Variants in DNAH7 observed in about 807,000 individuals in gnomAD.
DNAH7 encodes dynein axonemal heavy chain 7.
A neutral mutation model predicts 444.6 loss-of-function variants in DNAH7; 397 were observed. The observed-to-expected ratio is 0.89, with a 90% CI of 0.82 to 0.97. The LOEUF (loss-of-function observed/expected upper bound fraction) is 0.97. Among genes scored for constraint, DNAH7 ranks in the 50% least tolerant of loss-of-function variants. The probability of loss-of-function intolerance (pLI) is 0.00; values close to 1 mark genes in which losing one functional copy is unlikely to be tolerated. For synonymous variants in DNAH7, 1,636 were observed against 1,624.4 expected (o/e 1.01, Z -0.17); for missense variants, 4,902 against 4,800.8 (o/e 1.02, Z -0.62).
rs1219781115 is a variant in DNAH7, at chr2:195,816,693, G to C, written c.9696C>G (p.Thr3232=). The change falls in exon 51 of 65, where the codon ACC becomes ACG. Residue 3232 remains threonine, a synonymous_variant. Coordinates refer to ENST00000312428, the MANE Select transcript of DNAH7 (RefSeq NM_018897.3). ...ACAGGATGAAAAGGTTAATAAACCA[G>C]GTCAGTGAATACTGGTACATGGGCT... The part of the protein sequence containing the change: ...NIEPMYQYSL[T]WFINLFILSI... The C allele has an allele frequency of 3.7e-6, 6 of 1,614,090 alleles. No individual in the cohort carries two copies. The highest frequency in any genetic ancestry group is 4.2e-6 in the Non-Finnish European group (5 of 1,179,990).
At chr2:195,852,911 C>CAGAG (rs1490757777) in intron 46 of DNAH7, among the ~76,000 whole-genome samples, 2 of 125,932 alleles carry the variant, frequency 1.6e-5, no homozygotes, top group African/African-American at 6.7e-5. Flanking sequence ...CACACACACA[C>CAGAG]ACACAGAGAG....
intron 61 of DNAH7, among the ~76,000 whole-genome samples, chr2:195,760,242 G>A (rs555675692): frequency 6.6e-6 from 1 of 152,298 alleles, no homozygotes; most frequent in Admixed American, 6.5e-5. Context: ...TTGGGTGCCA[G>A]CTCAGCAGCA....
At chr2:196,055,210 G>T (rs888871581) in intron 2 of DNAH7, among the ~76,000 whole-genome samples, 4 of 151,996 alleles carry the variant, frequency 2.6e-5, no homozygotes, top group Non-Finnish European at 5.9e-5. Context: ...ACAAAAATTA[G>T]CTAGGCGTGG....
chr2:196,023,536 T>C (rs1695504900), intron 8 of DNAH7, among the ~76,000 whole-genome samples: 1 of 152,224 alleles, frequency 6.6e-6, no homozygotes, highest in South Asian at 2.1e-4. Flanking sequence ...GCAGCTTCCT[T>C]ACCTTTCTCA....
intron 19 of DNAH7, among the ~76,000 whole-genome samples, chr2:195,954,544 G>A (rs980854019): frequency 2.6e-5 from 4 of 152,332 alleles, no homozygotes; most frequent in African/African-American, 9.6e-5. Flanking sequence ...TATATACCCA[G>A]TAATGGGATG....
Position 195,991,491 on chromosome 2 carries a change from A to G in DNAH7, c.1354-3262T>C, listed in dbSNP as rs539533668. Among the ~76,000 whole-genome samples, 6 of 152,358 alleles carry G rather than the reference A, an allele frequency of 3.9e-5. No homozygotes were observed. The South Asian group carries it at 1.2e-3, about 32-fold the overall frequency. On this transcript the variant is annotated intron_variant, in intron 12 of 64. Coordinates refer to ENST00000312428, the MANE Select transcript of DNAH7 (RefSeq NM_018897.3). ...CAACAAAAATAAAACAAAACAAAATAACACTTTTAAAAAATTACAAAACAG... is the reference window on the plus strand; with the variant it reads ...CAACAAAAATAAAACAAAACAAAATGACACTTTTAAAAAATTACAAAACAG...
chr2:195,897,664 T>C lies in DNAH7; in HGVS notation c.4647+3A>G. 1 of 1,544,618 alleles carries C rather than the reference T, an allele frequency of 6.5e-7. No homozygotes were observed. Among genetic ancestry groups the C allele is most frequent in the Non-Finnish European group, 8.9e-7 (1 of 1,124,536 alleles). The stretch of plus-strand genomic sequence containing the variant: ...GATGCATTGGGATAATGAATGTTCT[T>C]ACCTCAAAGAGTGGTAAATCATGGG... On this transcript the variant is annotated splice_donor_region_variant and intron_variant, in intron 29 of 64. Coordinates refer to ENST00000312428, the MANE Select transcript of DNAH7 (RefSeq NM_018897.3).
At chr2:195,923,909 G>C in intron 22 of DNAH7, 102 bp from the exon 23 acceptor site, 1 of 1,043,014 alleles carries the variant, frequency 9.6e-7, no homozygotes, top group South Asian at 1.6e-5. Flanking sequence ...TCTGCATTTT[G>C]ATTACAACTT....
intron 17 of DNAH7, among the ~76,000 whole-genome samples, chr2:195,964,053 G>C (rs2125543297): frequency 6.6e-6 from 1 of 152,238 alleles, no homozygotes; most frequent in African/African-American, 2.4e-5. Flanking sequence ...GATTCCACCA[G>C]TTTTGTTCTT....
In DNAH7 at chr2:196,048,344, C is replaced by G. The variant is rs759107363; in HGVS notation, c.202G>C (p.Asp68His). 3.7e-6 allele frequency: 6 copies of G among 1,613,876 alleles called. No individual in the cohort carries two copies. In the African/African-American group the frequency reaches 5.3e-5, roughly 14 times the overall value. ...APSFHLSVKQ[D>H]DESPEPFSVK... ...CTAAATGGTTCTGGACTCTCATCAT[C>G]CTGCTTTACACTCAAATGGAATGAT... The change falls in exon 4 of 65, where the codon GAT (aspartate) becomes CAT (histidine). Residue 68 changes from aspartate (D) to histidine (H), a missense_variant. Transcript: ENST00000312428.
In DNAH7 at chr2:196,048,398, T is replaced by C. The variant is rs1559368862; in HGVS notation, c.148A>G (p.Thr50Ala). 6.2e-7 allele frequency: 1 copy of C among 1,613,006 alleles called. No homozygotes were observed. Among genetic ancestry groups the C allele is most frequent in the Non-Finnish European group, 8.5e-7 (1 of 1,179,654 alleles). The change falls in exon 4 of 65, where the codon ACA (threonine) becomes GCA (alanine). Residue 50 changes from threonine (T) to alanine (A), a missense_variant. By Grantham distance (58) the Thr-to-Ala change is moderately conservative. Coordinates refer to ENST00000312428, the MANE Select transcript of DNAH7 (RefSeq NM_018897.3). The stretch of plus-strand genomic sequence containing the variant: ...GCTGCCTGCTGCCAGTGGGGCTTTG[T>C]ACTCACCTAAAATACAAAATTTAAA... The part of the protein sequence containing the change: ...RALPQLSMVS[T>A]KPHWQQAAPS...
chr2:195,938,353 C>CAA (rs1183163326), intron 19 of DNAH7, among the ~76,000 whole-genome samples: 2 of 149,896 alleles, frequency 1.3e-5, no homozygotes, highest in African/African-American at 2.5e-5. Flanking sequence ...TTCACACACA[C>CAA]ACACACACAC....
At chr2:195,768,057 G>A (rs923171583) in intron 61 of DNAH7, among the ~76,000 whole-genome samples, 1 of 151,244 alleles carries the variant, frequency 6.6e-6, no homozygotes, top group Non-Finnish European at 1.5e-5. Flanking sequence ...TATTGTAAAA[G>A]AATATTCTTG....
At chr2:196,050,536 T>C (rs1697401476) in intron 3 of DNAH7, among the ~76,000 whole-genome samples, 1 of 152,146 alleles carries the variant, frequency 6.6e-6, no homozygotes, top group Non-Finnish European at 1.5e-5. Context: ...AATAATAATA[T>C]TTGCATTGAC....
At chr2:196,020,194 T>C (rs934128819) in intron 8 of DNAH7, among the ~76,000 whole-genome samples, 6 of 152,194 alleles carry the variant, frequency 3.9e-5, no homozygotes, top group African/African-American at 9.6e-5. Flanking sequence ...TGGCTGTTTA[T>C]GTTATCAGTA....
chr2:195,886,980 C>G (rs948662777), intron 33 of DNAH7, among the ~76,000 whole-genome samples: 1 of 152,010 alleles, frequency 6.6e-6, no homozygotes, highest in Non-Finnish European at 1.5e-5. Flanking sequence ...AGTTGCCACC[C>G]CAGTAGAAAC....
Position 195,784,956 on chromosome 2 carries a change from G to A in DNAH7, c.10878+2054C>T, listed in dbSNP as rs150273531. 7.8e-3 allele frequency among the ~76,000 whole-genome samples: 1,174 copies of A among 149,570 alleles called. 18 individuals are homozygous for A. Among genetic ancestry groups the A allele is most frequent in the African/African-American group, 0.027 (1,090 of 40,518 alleles). On this transcript the variant is annotated intron_variant, in intron 58 of 64. Transcript: ENST00000312428. ...GATGGAGTCTCGCTCTGTCACCCAG[G>A]CTGGAGTGCAGTGGGCATGATCTCG...
chr2:195,901,246 A>G (rs1314992298), intron 27 of DNAH7: 1 of 152,146 alleles, frequency 6.6e-6, no homozygotes, highest in African/African-American at 2.4e-5. Flanking sequence ...TATGTATATC[A>G]AAACATCACA....
At chr2:195,976,782 A>AGAGAGAGAGAGAGAGAGG (rs1271798254) in intron 15 of DNAH7, among the ~76,000 whole-genome samples, 15 of 146,702 alleles carry the variant, frequency 1.0e-4, no homozygotes, top group South Asian at 2.1e-4. Flanking sequence ...AGAGAGAGAG[A>AGAGAGAGAGAGAGAGAGG]GAGAGACTCT....
Sources: gnomAD v4.1 joint callset for allele counts (sites outside exome capture counted in the v4.1 genomes callset) on GRCh38, gnomAD v4.1.1 for gene constraint, MANE v1.5 for transcripts, NCBI Gene and HGNC (gene_info 2026-07-23, HGNC 2026-07-21) for gene names.